Variants in LRRK1 observed in about 807,000 individuals in gnomAD.
LRRK1 encodes the protein leucine rich repeat kinase 1.
LRRK1 carries 113 observed loss-of-function variants against 209.1 expected under a neutral mutation model. That is an observed-to-expected ratio of 0.54 (90% CI 0.46 to 0.63). The LOEUF is 0.63. LRRK1 is among the 30% of genes least tolerant of loss of function. The pLI is 0.00. For synonymous variants in LRRK1, 1,144 were observed against 1,099.7 expected (o/e 1.04, Z -0.80); for missense variants, 2,284 against 2,632.2 (o/e 0.87, Z 2.89).
intron 33 of LRRK1, among the ~76,000 whole-genome samples, chr15:101,067,726 C>T (rs2036614766): frequency 6.6e-6 from 1 of 152,202 alleles, no homozygotes; most frequent in Admixed American, 6.5e-5. Context: ...AGATCTGGAT[C>T]TGCTCCTGAG....
At chr15:100,938,834 G>A (rs1385024737) in intron 2 of LRRK1, among the ~76,000 whole-genome samples, 1 of 152,182 alleles carries the variant, frequency 6.6e-6, no homozygotes, top group African/African-American at 2.4e-5. Context: ...GCTCATGCCT[G>A]TAATCCTAGG....
Position 101,012,067 on chromosome 15 carries a change from T to C in LRRK1, c.1341T>C (p.Phe447=), listed in dbSNP as rs1313385641. ...LECLPDKMAV[F]WKNHLKDVDF... is the part of the protein sequence containing the mutation. The stretch of plus-strand genomic sequence containing the variant: ...GTCTGCCAGACAAAATGGCTGTCTT[T>C]TGGAAAAATCACCTGAAGGATGTGG... The change falls in exon 10 of 34, where the codon TTT becomes TTC. Residue 447 remains phenylalanine, a synonymous_variant. Coordinates refer to ENST00000388948, the MANE Select transcript of LRRK1 (RefSeq NM_024652.6). 6.2e-7 allele frequency: 1 copy of C among 1,612,806 alleles called. No homozygotes were observed. Among genetic ancestry groups the C allele is most frequent in the Admixed American group, 1.7e-5 (1 of 59,886 alleles).
At chr15:100,999,253 GA>G (rs542363100) in intron 6 of LRRK1, among the ~76,000 whole-genome samples, 1 of 152,226 alleles carries the variant, frequency 6.6e-6, no homozygotes, top group African/African-American at 2.4e-5. Flanking sequence ...AAATATTACA[GA>G]AAAAAGTACA....
chr15:100,946,192 G>C (rs540973668), intron 2 of LRRK1, among the ~76,000 whole-genome samples: 14 of 152,242 alleles, frequency 9.2e-5, no homozygotes, highest in Non-Finnish European at 1.9e-4. Flanking sequence ...ATCATTTAAT[G>C]CATTCTCAAT....
intron 2 of LRRK1, among the ~76,000 whole-genome samples, chr15:100,934,417 G>A (rs1265912625): frequency 6.6e-6 from 1 of 152,124 alleles, no homozygotes; most frequent in Non-Finnish European, 1.5e-5. Context: ...GGAGGACACT[G>A]TTCCAGATGC....
Position 100,988,665 on chromosome 15 carries a change from G to C in LRRK1, c.465G>C (p.Trp155Cys). ...GPCSPQRLLN[W>C]MLALACQRGH... Reference sequence around the variant, plus strand: ...GCAGTCCCCAGCGGCTTCTGAACTGGATGCTGGCCTTGGCTTGCCAGCGAG... The same window carrying C: ...GCAGTCCCCAGCGGCTTCTGAACTGCATGCTGGCCTTGGCTTGCCAGCGAG... The change falls in exon 5 of 34, where the codon TGG (tryptophan) becomes TGC (cysteine). Residue 155 changes from tryptophan (W) to cysteine (C), a missense_variant. Transcript: ENST00000388948. The C allele has an allele frequency of 6.2e-7, 1 of 1,614,194 alleles. No homozygotes were observed. Among genetic ancestry groups the C allele is most frequent in the East Asian group, 2.2e-5 (1 of 44,890 alleles).
chr15:100,985,819 G>A (rs1468774874), intron 4 of LRRK1, among the ~76,000 whole-genome samples: 1 of 152,222 alleles, frequency 6.6e-6, no homozygotes, highest in Non-Finnish European at 1.5e-5. Flanking sequence ...AAAACAGTGT[G>A]TACCCATCCC....
At chr15:100,921,027 G>C (rs540130383) in intron 1 of LRRK1, among the ~76,000 whole-genome samples, 1 of 152,162 alleles carries the variant, frequency 6.6e-6, no homozygotes, top group South Asian at 2.1e-4. Flanking sequence ...GAAAACCCAC[G>C]CTCCCTCTCA....
At chr15:100,981,924 C>G (rs1042939188) in intron 3 of LRRK1, among the ~76,000 whole-genome samples, 43 of 152,216 alleles carry the variant, frequency 2.8e-4, no homozygotes, top group Non-Finnish European at 4.6e-4. Flanking sequence ...ATGTGCTTGT[C>G]GGGGGCTGTT....
chr15:100,951,164 A>C (rs1271565700), intron 2 of LRRK1, among the ~76,000 whole-genome samples: 2 of 152,226 alleles, frequency 1.3e-5, no homozygotes, highest in East Asian at 3.8e-4. Flanking sequence ...AAGATGTGAA[A>C]ATGGCCAATC....
rs17161161 is a variant in LRRK1, at chr15:101,066,089, C to T, written c.5652C>T (p.Pro1884=). The T allele has an allele frequency of 8.8e-3, 14,231 of 1,614,102 alleles. 922 individuals carry two copies. In the African/African-American group the frequency reaches 0.16, roughly 18 times the overall value. The part of the protein sequence containing the change: ...DCEDSDMLHT[P]GAASDRSEHD... Reference sequence around the variant, plus strand: ...AGGACTCAGACATGCTACATACGCCCGGTGCTGCCTCCGACAGGTCTGAGC... The same window carrying T: ...AGGACTCAGACATGCTACATACGCCTGGTGCTGCCTCCGACAGGTCTGAGC... Residue 1884 remains proline, a synonymous_variant, in exon 32 of 34, where the codon CCC becomes CCT. Coordinates refer to ENST00000388948, the MANE Select transcript of LRRK1 (RefSeq NM_024652.6).
intron 3 of LRRK1, among the ~76,000 whole-genome samples, chr15:100,977,909 A>G (rs2031383773): frequency 6.6e-6 from 1 of 152,218 alleles, no homozygotes; most frequent in Non-Finnish European, 1.5e-5. Flanking sequence ...GGATGACTCC[A>G]ATGTTAGAAT....
At chr15:101,051,420 TC>T (rs2035427335) in intron 23 of LRRK1, among the ~76,000 whole-genome samples, 1 of 151,708 alleles carries the variant, frequency 6.6e-6, no homozygotes, top group Admixed American at 6.6e-5. Context: ...GCAGGAGGGA[TC>T]CCCCCACTCC....
At chr15:100,941,195 T>C (rs2141609055) in intron 2 of LRRK1, among the ~76,000 whole-genome samples, 1 of 151,994 alleles carries the variant, frequency 6.6e-6, no homozygotes, top group African/African-American at 2.4e-5. Flanking sequence ...TTTGTGCATG[T>C]GTGTTTCTGT....
intron 2 of LRRK1, among the ~76,000 whole-genome samples, chr15:100,926,857 G>A (rs2042125028): frequency 6.6e-6 from 1 of 151,678 alleles, no homozygotes. Flanking sequence ...GCTAATTTTT[G>A]TATTTTTAGT....
intron 1 of LRRK1, 117 bp from the exon 2 acceptor site, chr15:100,924,394 A>G: frequency 1.9e-6 from 1 of 524,580 alleles, no homozygotes; most frequent in Non-Finnish European, 3.5e-6. Flanking sequence ...GGCTGGATAG[A>G]TGGACTACAA....
chr15:101,027,891 A>T lies in LRRK1; in HGVS notation c.2686+94A>T. 1 of 1,159,744 alleles carries T rather than the reference A, an allele frequency of 8.6e-7. No homozygotes were observed. Among genetic ancestry groups the T allele is most frequent in the Non-Finnish European group, 1.2e-6 (1 of 831,426 alleles). The allele number at this position is 1,159,744 out of a possible 1,614,324, so 71.8% of individuals were successfully genotyped here. On this transcript the variant is annotated intron_variant, in intron 19 of 33. Transcript: ENST00000388948. The surrounding 1 kb of genome is among the most constrained non-coding windows in gnomAD (Gnocchi z 5.1). ...GCTTGGCCTCAGTAATGAATGAGAG[A>T]CCGACACCCAGCCTGCGTTTCTGCC...
chr15:101,058,963 T>C (rs987384311), intron 29 of LRRK1, among the ~76,000 whole-genome samples: 4 of 152,132 alleles, frequency 2.6e-5, no homozygotes, highest in African/African-American at 9.7e-5. Flanking sequence ...AGGAATGAGC[T>C]TGAGACATAA....
intron 2 of LRRK1, among the ~76,000 whole-genome samples, chr15:100,945,865 G>A (rs1279514339): frequency 2.0e-5 from 3 of 151,992 alleles, no homozygotes; most frequent in Admixed American, 6.6e-5. Flanking sequence ...TGTTAGTGTC[G>A]GCACGGTATC....
Sources: gnomAD v4.1 joint callset for allele counts (sites outside exome capture counted in the v4.1 genomes callset) on GRCh38, gnomAD v4.1.1 for gene constraint, Gnocchi (gnomAD v3.1) non-coding constraint, MANE v1.5 for transcripts, NCBI Gene and HGNC (gene_info 2026-07-23, HGNC 2026-07-21) for gene names.